IL17RD: variants seen among roughly 807,000 people sequenced by gnomAD.
IL17RD encodes the protein interleukin-17 receptor D.
In IL17RD, 52 loss-of-function variants were observed where a neutral mutation model predicts 80.5. The ratio of observed to expected loss-of-function variants is 0.65; its 90% CI spans 0.52 to 0.81. The LOEUF (loss-of-function observed/expected upper bound fraction) is 0.81, where lower values mean the gene tolerates loss of function less well. Among genes scored for constraint, IL17RD ranks in the 40% least tolerant of loss-of-function variants. The pLI, the probability that IL17RD is intolerant of heterozygous loss-of-function variation, is 0.00. For synonymous variants in IL17RD, 416 were observed against 391.8 expected, an observed-to-expected ratio of 1.06 and a Z score of -0.73; for missense variants, 1,024 against 955.1, an observed-to-expected ratio of 1.07 and a Z score of -0.95.
intron 1 of IL17RD, among the ~76,000 whole-genome samples, chr3:57,125,772 G>C (rs1338207043): frequency 6.6e-6 from 1 of 152,206 alleles, no homozygotes; most frequent in Non-Finnish European, 1.5e-5. Flanking sequence ...AGGAGGCCTA[G>C]TAACTCCAGT....
intron 3 of IL17RD, among the ~76,000 whole-genome samples, chr3:57,110,596 A>G (rs1232250747): frequency 6.6e-6 from 1 of 152,180 alleles, no homozygotes; most frequent in Non-Finnish European, 1.5e-5. Flanking sequence ...AAATATTTAG[A>G]CTCCAGTTAC....
rs182712309 is a variant in IL17RD, at chr3:57,132,124, C to T, written c.127-11811G>A. Among the ~76,000 whole-genome samples, 41 of 147,730 alleles carry T rather than the reference C, an allele frequency of 2.8e-4. No individual in the cohort carries two copies. The East Asian group carries it at 5.4e-3, about 19-fold the overall frequency. On this transcript the variant is annotated intron_variant, in intron 1 of 12. Coordinates refer to ENST00000296318, the MANE Select transcript of IL17RD (RefSeq NM_017563.5). ...TCGCTTGAGCCAAGGAGGTTGTGAC[C>T]GTAGTGAGCCGAGATCACACCACCA...
intron 1 of IL17RD, among the ~76,000 whole-genome samples, chr3:57,148,810 T>A (rs1579313929): frequency 6.6e-6 from 1 of 152,192 alleles, no homozygotes; most frequent in African/African-American, 2.4e-5. Flanking sequence ...GGGAGGCAGG[T>A]GGGCCCAGTG....
At chr3:57,142,480 A>G (rs2107527489) in intron 1 of IL17RD, 1 of 1,286,026 alleles carries the variant, frequency 7.8e-7, no homozygotes, top group Non-Finnish European at 1.0e-6. Context: ...ACAACGCAGG[A>G]ACACCTGAGG....
At chr3:57,168,598 G>A (rs138177889), upstream of IL17RD, among the ~76,000 whole-genome samples, 375 of 152,292 alleles carry the variant, frequency 2.5e-3, 6 homozygotes, top group Admixed American at 0.023. Flanking sequence ...GGTCAAATCT[G>A]GTCAGGAAAT....
chr3:57,126,834 T>A (rs1342055702), intron 1 of IL17RD, among the ~76,000 whole-genome samples: 1 of 151,064 alleles, frequency 6.6e-6, no homozygotes, highest in African/African-American at 2.4e-5. Context: ...TGAGAAGACT[T>A]TTTTTTTTGA....
rs973648285 is a variant in IL17RD at position 57,094,653 on chromosome 3, T to C, written c.*1740A>G. 2.0e-5 allele frequency: 3 copies of C among 152,254 alleles called. No individual in the cohort carries two copies. Among genetic ancestry groups the C allele is most frequent in the African/African-American group, 7.2e-5 (3 of 41,464 alleles). The allele number at this position is 152,254 out of a possible 1,614,324, so 9.4% of individuals were successfully genotyped here. ...TCATCATGTTCCAAGTGAATTTTCG[T>C]ATGTTAGCAAGTTTGGACTAACCAA... On this transcript the variant is annotated 3_prime_UTR_variant, in exon 13 of 13. Transcript: ENST00000296318.
intron 1 of IL17RD, among the ~76,000 whole-genome samples, chr3:57,126,050 T>C: frequency 6.6e-6 from 1 of 152,222 alleles, no homozygotes; most frequent in Non-Finnish European, 1.5e-5. Context: ...TTGACCAGCT[T>C]TGTAAACTGT....
At chr3:57,169,162 G>A (rs2060359715), upstream of IL17RD, 1 of 483,150 alleles carries the variant, frequency 2.1e-6, no homozygotes, top group Admixed American at 2.2e-5. Context: ...GGCCACAGTG[G>A]AGCTCAGCTG....
rs555225260 is a variant in IL17RD at position 57,159,972 on chromosome 3, G to T, written c.126+5189C>A. On this transcript the variant is annotated intron_variant, in intron 1 of 12. Transcript: ENST00000296318. ...AGATCATCTGAGATCAGGAGTTCGA[G>T]ACCAGCCTGGCCAACATGGTGAAAC... 1.2e-4 allele frequency among the ~76,000 whole-genome samples: 19 copies of T among 152,316 alleles called. No individual in the cohort carries two copies. The South Asian group carries it at 3.9e-3, about 32-fold the overall frequency.
chr3:57,154,341 G>A (rs2060253708), intron 1 of IL17RD, among the ~76,000 whole-genome samples: 1 of 148,396 alleles, frequency 6.7e-6, no homozygotes, highest in African/African-American at 2.5e-5. Flanking sequence ...TCTCCTATAT[G>A]CCTTTCCCTA....
chr3:57,136,054 T>C (rs989869310), intron 1 of IL17RD, among the ~76,000 whole-genome samples: 2 of 152,212 alleles, frequency 1.3e-5, no homozygotes, highest in South Asian at 2.1e-4. Flanking sequence ...ATTAGATGAC[T>C]GGTCTCCAGT....
At chr3:57,121,786 A>G (rs1707345313) in intron 1 of IL17RD, among the ~76,000 whole-genome samples, 1 of 152,204 alleles carries the variant, frequency 6.6e-6, no homozygotes, top group African/African-American at 2.4e-5. Flanking sequence ...ACAGTAACAC[A>G]ACCAGGTAGG....
chr3:57,158,197 A>G (rs79370023), intron 1 of IL17RD, among the ~76,000 whole-genome samples: 1,778 of 152,248 alleles, frequency 0.012, 32 homozygotes, highest in African/African-American at 0.041. Context: ...ATGCTTCCCT[A>G]CCATGTAGTA....
At position 57,146,031 on chromosome 3, in the gene IL17RD, A is replaced by ACG. The variant is rs772853986; in HGVS notation, c.126+19128_126+19129dup. ...AAAGCGTGCGCGCACACACACACTCACGCGCGCGCGCGCGCACACACACAC... is the reference window on the plus strand; with the variant it reads ...AAAGCGTGCGCGCACACACACACTCACGCGCGCGCGCGCGCGCACACACACAC... On this transcript the variant is annotated intron_variant, in intron 1 of 12. Coordinates refer to ENST00000296318, the MANE Select transcript of IL17RD (RefSeq NM_017563.5). 2.3e-3 allele frequency among the ~76,000 whole-genome samples: 306 copies of ACG among 132,802 alleles called. 10 individuals are homozygous for ACG. The East Asian group carries it at 0.058, about 25-fold the overall frequency. 87.1% of individuals were successfully genotyped at this position (132,802 alleles called of 152,430 possible).
intron 1 of IL17RD, among the ~76,000 whole-genome samples, chr3:57,159,112 C>T (rs149361252): frequency 0.027 from 4,041 of 149,732 alleles, 84 homozygotes; most frequent in South Asian, 0.048. Context: ...TTTACAATGT[C>T]GATATCTCTT....
At chr3:57,104,798 A>G (rs1363022217) in intron 7 of IL17RD, among the ~76,000 whole-genome samples, 1 of 152,232 alleles carries the variant, frequency 6.6e-6, no homozygotes, top group Non-Finnish European at 1.5e-5. Context: ...ACCTTGATAG[A>G]GATGAGAGCC....
intron 1 of IL17RD, among the ~76,000 whole-genome samples, chr3:57,148,505 A>G (rs575032263): frequency 3.3e-5 from 5 of 152,312 alleles, no homozygotes; most frequent in South Asian, 4.1e-4. Flanking sequence ...TTAAGAACAC[A>G]TATGTTTACA....
chr3:57,168,664 A>ATTCT (rs10643509), upstream of IL17RD, among the ~76,000 whole-genome samples: 102,726 of 151,596 alleles, frequency 0.68, 35,354 homozygotes, highest in African/African-American at 0.8. Flanking sequence ...TTTCCCATTG[A>ATTCT]TTCTCCCATC....
Sources: allele counts gnomAD v4.1 joint callset (sites outside exome capture counted in the v4.1 genomes callset), GRCh38; gene constraint gnomAD v4.1.1; transcripts MANE v1.5; gene names NCBI Gene and HGNC (gene_info 2026-07-23, HGNC 2026-07-21).